The following BEND7 variants were observed in gnomAD, a reference collection of about 807,000 sequenced individuals.
BEND7 encodes BEN domain-containing protein 7.
In BEND7, 28 loss-of-function variants were observed where a neutral mutation model predicts 50.9. That is an observed-to-expected ratio of 0.55 (90% CI 0.41 to 0.75). BEND7 has a LOEUF of 0.75. BEND7 is among the 30% of genes least tolerant of loss of function. The probability of loss-of-function intolerance (pLI) is 0.00; values close to 1 mark genes in which losing one functional copy is unlikely to be tolerated. For synonymous variants in BEND7, 170 were observed against 183.9 expected, an observed-to-expected ratio of 0.92 and a Z score of 0.61; for missense variants, 477 against 491.3, an observed-to-expected ratio of 0.97 and a Z score of 0.28.
At chr10:13,473,906 C>T (rs975608746) in intron 6 of BEND7, among the ~76,000 whole-genome samples, 5 of 151,168 alleles carry the variant, frequency 3.3e-5, no homozygotes, top group South Asian at 2.1e-4. Flanking sequence ...CACTCAGGGC[C>T]GATACCTGTG....
intron 6 of BEND7, among the ~76,000 whole-genome samples, chr10:13,479,137 G>T (rs940168863): frequency 6.6e-6 from 1 of 151,738 alleles, no homozygotes; most frequent in Non-Finnish European, 1.5e-5. Context: ...CTCCCAAGTA[G>T]CTGGGACTAC....
intron 6 of BEND7, among the ~76,000 whole-genome samples, chr10:13,478,247 C>A (rs1243197250): frequency 6.6e-6 from 1 of 152,178 alleles, no homozygotes; most frequent in African/African-American, 2.4e-5. Context: ...CATGACACTT[C>A]CAGGGAGGGA....
intron 4 of BEND7, among the ~76,000 whole-genome samples, chr10:13,495,985 G>T (rs1178191698): frequency 6.6e-6 from 1 of 152,128 alleles, no homozygotes; most frequent in Non-Finnish European, 1.5e-5. Context: ...TCCCTCAATT[G>T]TGAAGATCAG....
chr10:13,480,946 T>C lies in BEND7; in HGVS notation c.1016A>G (p.Asn339Ser), dbSNP rs374073381. ...TTGGTCTAGTCCTTTCCGGTTGTCATTGAGTCCTCTTTTCCTCTTCCCATT... is the reference window on the plus strand; with the variant it reads ...TTGGTCTAGTCCTTTCCGGTTGTCACTGAGTCCTCTTTTCCTCTTCCCATT... ...LPNGKRKRGLNDNRKGLDQNI... is the reference protein window; with the variant it reads ...LPNGKRKRGLSDNRKGLDQNI... Residue 339 changes from asparagine (N) to serine (S), a missense_variant, in exon 6 of 9, where the codon AAT (asparagine) becomes AGT (serine). Asn to Ser is a conservative substitution (Grantham distance 46). This residue lies in a region of BEND7 where 17 missense variants were observed against 38.6 expected (regional missense o/e 0.44). Coordinates refer to ENST00000466271, the MANE Select transcript of BEND7 (RefSeq NM_001369863.1). 19 of 1,614,104 alleles carry C rather than the reference T, an allele frequency of 1.2e-5. No individual in the cohort carries two copies. The highest frequency in any genetic ancestry group is 3.3e-5 in the Admixed American group (2 of 60,004).
At chr10:13,470,344 T>C (rs2074687944) in intron 6 of BEND7, among the ~76,000 whole-genome samples, 1 of 152,240 alleles carries the variant, frequency 6.6e-6, no homozygotes, top group African/African-American at 2.4e-5. Context: ...GTGCCCACAA[T>C]GGTGTGCAAT....
At chr10:13,486,511 G>A (rs1388462194) in intron 5 of BEND7, among the ~76,000 whole-genome samples, 1 of 152,206 alleles carries the variant, frequency 6.6e-6, no homozygotes, top group Non-Finnish European at 1.5e-5. Context: ...CGTGTCCTAC[G>A]TCAAGGCTCA....
At chr10:13,484,243 G>A (rs58869280) in intron 5 of BEND7, among the ~76,000 whole-genome samples, 2,006 of 152,328 alleles carry the variant, frequency 0.013, 42 homozygotes, top group African/African-American at 0.046. Flanking sequence ...AAGCGCCAAT[G>A]CTATCTACGT....
chr10:13,496,245 A>G (rs181766641), intron 4 of BEND7, among the ~76,000 whole-genome samples: 7 of 152,326 alleles, frequency 4.6e-5, no homozygotes, highest in African/African-American at 1.4e-4. Context: ...TCCAATCCCA[A>G]ATTACAAATC....
intron 2 of BEND7, among the ~76,000 whole-genome samples, chr10:13,517,091 G>T (rs1176490247): frequency 1.4e-5 from 2 of 146,790 alleles, no homozygotes; most frequent in Non-Finnish European, 3.0e-5. Flanking sequence ...TTTGAGACAG[G>T]ATCTCACTTG....
chr10:13,450,922 G>C (rs1837533975), intron 7 of BEND7, among the ~76,000 whole-genome samples: 2 of 152,038 alleles, frequency 1.3e-5, no homozygotes, highest in Non-Finnish European at 1.5e-5. Context: ...CTGCTTGGGG[G>C]AAAGAGAAGA....
At chr10:13,496,742 C>A in intron 4 of BEND7, 24 bp downstream of exon 4, 2 of 1,603,936 alleles carry the variant, frequency 1.2e-6, no homozygotes, top group Non-Finnish European at 1.7e-6. Flanking sequence ...TCAAAGGACT[C>A]ATTCCGAGGC....
At chr10:13,492,499 C>T in intron 5 of BEND7, 112 bp downstream of exon 5, 7 of 1,339,460 alleles carry the variant, frequency 5.2e-6, no homozygotes, top group Non-Finnish European at 7.1e-6. Context: ...TTCTTCTTTC[C>T]CACATATAGT....
At position 13,481,055 on chromosome 10, in the gene BEND7, T is replaced by A. The variant is rs749309570; in HGVS notation, c.907A>T (p.Asn303Tyr). 1 of 1,614,146 alleles carries A rather than the reference T, an allele frequency of 6.2e-7. No homozygotes were observed. The change falls in exon 6 of 9, where the codon AAC becomes TAC. Residue 303 changes from asparagine (N) to tyrosine (Y), a missense_variant. Physicochemically the swap from Asn to Tyr is moderately radical, Grantham distance 143. Around this residue, in one of 3 missense-constraint regions of BEND7, gnomAD observed 396 missense variants for 384.2 expected, o/e 1.03. Transcript: ENST00000466271. ...PKSQLDSILSNYTRSGSLLFR... is the reference protein window; with the variant it reads ...PKSQLDSILSYYTRSGSLLFR... ...AGAAGGCTTCCTGAGCGAGTGTAGT[T>A]TGACAATATAGAGTCCAGCTGAGAT...
Position 13,492,716 on chromosome 10 carries a change from C to G in BEND7, c.732G>C (p.Ser244=), listed in dbSNP as rs565642605. ...GAGCAGATAGCTCAGAGGCCACCACCGACTTTTTCTCCATCTCTGACCCAC... is the reference window on the plus strand; with the variant it reads ...GAGCAGATAGCTCAGAGGCCACCACGGACTTTTTCTCCATCTCTGACCCAC... ...KPSGSEMEKK[S]VVASELSALQ... is the part of the protein sequence containing the mutation. Residue 244 remains serine (S), a synonymous_variant, in exon 5 of 9, where the codon TCG becomes TCC. Coordinates refer to ENST00000466271, the MANE Select transcript of BEND7 (RefSeq NM_001369863.1). The G allele has an allele frequency of 1.9e-6, 3 of 1,614,172 alleles. No homozygotes were observed. The highest frequency in any genetic ancestry group is 2.5e-6 in the Non-Finnish European group (3 of 1,180,018).
chr10:13,445,490 G>A (rs564868372), intron 8 of BEND7: 2 of 152,284 alleles, frequency 1.3e-5, no homozygotes, highest in South Asian at 2.1e-4. Flanking sequence ...CCTGGGTTCC[G>A]GCCAGGCCGT....
chr10:13,472,583 G>A (rs1344093531), intron 6 of BEND7, among the ~76,000 whole-genome samples: 1 of 151,870 alleles, frequency 6.6e-6, no homozygotes, highest in Non-Finnish European at 1.5e-5. Context: ...GTTAGATTTG[G>A]GGTTGATACC....
chr10:13,500,557 G>A (rs2077366840), intron 2 of BEND7: 1 of 989,638 alleles, frequency 1.0e-6, no homozygotes, highest in Non-Finnish European at 1.2e-6. Flanking sequence ...AGAAAGCCTG[G>A]ACTGGCAGGG....
intron 2 of BEND7, 82 bp from the exon 3 acceptor site, chr10:13,500,162 A>T: frequency 8.5e-7 from 1 of 1,178,546 alleles, no homozygotes; most frequent in Non-Finnish European, 1.2e-6. Flanking sequence ...GAGAAAGAAA[A>T]ACAACCCTTC....
At chr10:13,509,279 C>T (rs2078111471) in intron 2 of BEND7, among the ~76,000 whole-genome samples, 1 of 152,216 alleles carries the variant, frequency 6.6e-6, no homozygotes, top group African/African-American at 2.4e-5. Flanking sequence ...CTGTCCTATA[C>T]TCTCTTTGTT....
Sources: gnomAD v4.1 joint callset for allele counts (sites outside exome capture counted in the v4.1 genomes callset) on GRCh38, gnomAD v4.1.1 for gene constraint, gnomAD v4.1.1 regional missense constraint, MANE v1.5 for transcripts, NCBI Gene and HGNC (gene_info 2026-07-23, HGNC 2026-07-21) for gene names.